ORC5: variants seen among roughly 807,000 people sequenced by gnomAD.
ORC5 encodes the protein protein phosphatase 1, regulatory subunit 117.
ORC5 carries 39 observed loss-of-function variants against 58.8 expected under a neutral mutation model. The observed-to-expected ratio is 0.66, with a 90% confidence interval of 0.51 to 0.87. ORC5 has a LOEUF of 0.87. Among genes scored for constraint, ORC5 ranks in the 40% least tolerant of loss-of-function variants. The probability of loss-of-function intolerance (pLI) is 0.00; values close to 1 mark genes in which losing one functional copy is unlikely to be tolerated. For missense variants in ORC5, 493 were observed against 506.3 expected (o/e 0.97, Z 0.25); for synonymous variants, 218 against 177.6 (o/e 1.23, Z -1.81).
chr7:104,146,311 T>A (rs996467497), intron 12 of ORC5, among the ~76,000 whole-genome samples: 10 of 152,226 alleles, frequency 6.6e-5, no homozygotes, highest in Admixed American at 5.9e-4. Flanking sequence ...ATTGCACTTA[T>A]GCATTTATTC....
chr7:104,193,297 GACA>G (rs1799718009), intron 5 of ORC5, among the ~76,000 whole-genome samples: 1 of 152,022 alleles, frequency 6.6e-6, no homozygotes, highest in Non-Finnish European at 1.5e-5. Context: ...TAAAATGTAA[GACA>G]ACAGCAGTAC....
chr7:104,207,110 G>A (rs1195235820), intron 1 of ORC5, among the ~76,000 whole-genome samples: 5 of 152,274 alleles, frequency 3.3e-5, no homozygotes, highest in Admixed American at 6.5e-5. Context: ...CTCTTCGCAG[G>A]TAAGATCCAA....
At chr7:104,137,002 C>A in intron 12 of ORC5, 109 bp from the exon 13 acceptor site, 1 of 710,396 alleles carries the variant, frequency 1.4e-6, no homozygotes, top group South Asian at 2.0e-5. Flanking sequence ...TCACAAAAAA[C>A]GTCTGCAAAG....
At chr7:104,135,073 AC>A (rs1439632107) in intron 13 of ORC5, among the ~76,000 whole-genome samples, 1 of 152,184 alleles carries the variant, frequency 6.6e-6, no homozygotes, top group African/African-American at 2.4e-5. Context: ...GATGCTCTGC[AC>A]TAAGTAACGT....
At chr7:104,201,042 CT>C in intron 2 of ORC5, 84 bp from the exon 3 acceptor site, 2 of 1,186,922 alleles carry the variant, frequency 1.7e-6, no homozygotes, top group Non-Finnish European at 2.4e-6. Flanking sequence ...CTCCATTTGC[CT>C]TTCTAAATCT....
chr7:104,154,640 A>G (rs1029598181), intron 12 of ORC5, among the ~76,000 whole-genome samples: 1 of 151,936 alleles, frequency 6.6e-6, no homozygotes, highest in Non-Finnish European at 1.5e-5. Flanking sequence ...CACTTAGTAA[A>G]TATTTGTTAA....
chr7:104,172,741 TG>T (rs777400697), intron 8 of ORC5, among the ~76,000 whole-genome samples: 41 of 152,336 alleles, frequency 2.7e-4, no homozygotes, highest in Middle Eastern at 3.4e-3. Context: ...TTTTAGGACT[TG>T]CTAAGTTCAC....
intron 11 of ORC5, among the ~76,000 whole-genome samples, chr7:104,163,557 G>A (rs1185439718): frequency 6.6e-6 from 1 of 152,152 alleles, no homozygotes; most frequent in Non-Finnish European, 1.5e-5. Flanking sequence ...CGTGATCTCG[G>A]CTCACTGCAA....
At chr7:104,189,424 G>C (rs1474315058) in intron 5 of ORC5, among the ~76,000 whole-genome samples, 1 of 152,026 alleles carries the variant, frequency 6.6e-6, no homozygotes, top group African/African-American at 2.4e-5. Context: ...CTTCCAACAG[G>C]TCCCTCCATG....
intron 5 of ORC5, among the ~76,000 whole-genome samples, chr7:104,192,375 G>A (rs147051097): frequency 2.0e-5 from 3 of 152,090 alleles, no homozygotes; most frequent in Non-Finnish European, 4.4e-5. Flanking sequence ...ATCACACAGG[G>A]CTGTGAATTT....
In ORC5 at chr7:104,203,793, A is replaced by G. The variant is rs143923861; in HGVS notation, c.165+349T>C. On this transcript the variant is annotated intron_variant, in intron 2 of 13. Transcript: ENST00000297431. The stretch of plus-strand genomic sequence containing the variant: ...CCTAGCTGCTGGGTGAAGATTGCAA[A>G]TAAGAGGCTTACAGAAATACATGGA... Among the ~76,000 whole-genome samples, 42 of 152,348 alleles carry G rather than the reference A, an allele frequency of 2.8e-4. No individual in the cohort carries two copies. The East Asian group carries it at 7.5e-3, about 27-fold the overall frequency.
At chr7:104,144,212 T>G (rs930366972) in intron 12 of ORC5, among the ~76,000 whole-genome samples, 1 of 152,146 alleles carries the variant, frequency 6.6e-6, no homozygotes, top group African/African-American at 2.4e-5. Context: ...TAGAGTAAAA[T>G]TGAAAACAAA....
chr7:104,136,925 T>G lies in ORC5; in HGVS notation c.1150-32A>C, dbSNP rs1370027882. 1 of 1,387,998 alleles carries G rather than the reference T, an allele frequency of 7.2e-7. No individual in the cohort carries two copies. Among genetic ancestry groups the G allele is most frequent in the Admixed American group, 1.7e-5 (1 of 59,644 alleles). The allele number at this position is 1,387,998 out of a possible 1,614,324, so 86.0% of individuals were successfully genotyped here. A position where few individuals can be genotyped will look rare whatever the true frequency, so the allele number is the denominator to read the frequency against. On this transcript the variant is annotated intron_variant, in intron 12 of 13. Transcript: ENST00000297431. The surrounding 1 kb of genome is among the most constrained non-coding windows in gnomAD (Gnocchi z 4.2). ...GAGAACATTTTTATAAGAAACTGTT[T>G]TAATAAGATTATGTAATACTTTTGT...
chr7:104,207,638 T>C (rs1171940162), intron 1 of ORC5, among the ~76,000 whole-genome samples, 195 bp downstream of exon 1: 1 of 152,194 alleles, frequency 6.6e-6, no homozygotes, highest in African/African-American at 2.4e-5. Flanking sequence ...GGCCGGTCGC[T>C]CTCAGACTGT....
chr7:104,168,593 G>T, intron 8 of ORC5, 68 bp from the exon 9 acceptor site: 2 of 1,011,304 alleles, frequency 2.0e-6, no homozygotes, highest in South Asian at 4.3e-5. Context: ...ACTTAAAACA[G>T]AGCCCTAGAA....
intron 12 of ORC5, among the ~76,000 whole-genome samples, chr7:104,141,303 G>A (rs1262105567): frequency 6.6e-6 from 1 of 152,138 alleles, no homozygotes; most frequent in Non-Finnish European, 1.5e-5. Flanking sequence ...CCGTAGAGGT[G>A]GAGCTGCCTG....
At chr7:104,195,296 T>C in intron 4 of ORC5, 42 bp from the exon 5 acceptor site, 2 of 1,130,590 alleles carry the variant, frequency 1.8e-6, no homozygotes, top group Non-Finnish European at 2.5e-6. Context: ...CATTTAAAAA[T>C]CTTAATCGGA....
At chr7:104,130,276 T>C (rs899171384) in intron 13 of ORC5, among the ~76,000 whole-genome samples, 2 of 152,226 alleles carry the variant, frequency 1.3e-5, no homozygotes, top group African/African-American at 4.8e-5. Flanking sequence ...CTATGTTCCC[T>C]TTCTAGAATC....
intron 12 of ORC5, among the ~76,000 whole-genome samples, chr7:104,139,109 G>T (rs1303943646): frequency 6.6e-6 from 1 of 152,182 alleles, no homozygotes; most frequent in African/African-American, 2.4e-5. Flanking sequence ...ACCTGTAACT[G>T]CTCAGTGGCA....
Sources: gnomAD v4.1 joint callset for allele counts (sites outside exome capture counted in the v4.1 genomes callset) on GRCh38, gnomAD v4.1.1 for gene constraint, Gnocchi (gnomAD v3.1) non-coding constraint, MANE v1.5 for transcripts, NCBI Gene and HGNC (gene_info 2026-07-23, HGNC 2026-07-21) for gene names.